Variants in HECTD4 observed in about 807,000 individuals in gnomAD.
HECTD4 encodes the protein probable E3 ubiquitin-protein ligase HECTD4.
Under a neutral mutation model 471.5 loss-of-function variants are expected in HECTD4, and 114 were observed. The observed-to-expected ratio is 0.24, with a 90% CI of 0.21 to 0.28. HECTD4 has a LOEUF of 0.28. Ranked by LOEUF, HECTD4 falls within the 10% of genes least tolerant of loss-of-function variation. The pLI, the probability that HECTD4 is intolerant of heterozygous loss-of-function variation, is 1.00. For synonymous variants in HECTD4, 2,012 were observed against 2,256.0 expected (o/e 0.89, Z 3.07); for missense variants, 3,866 against 5,651.5 (o/e 0.68, Z 10.13).
rs776937840 is a variant in HECTD4 at position 112,193,479 on chromosome 12, G to C, written c.8945C>G (p.Ser2982Cys). 2 of 1,608,422 alleles carry C rather than the reference G, an allele frequency of 1.2e-6. No homozygotes were observed. Among genetic ancestry groups the C allele is most frequent in the South Asian group, 1.1e-5 (1 of 89,620 alleles). Reference protein sequence around the residue: ...SLLELTKQICSFLQTAPEQFP... With the variant: ...SLLELTKQICCFLQTAPEQFP... ...GCTTTAGACTTCTACCTGCAGGAAA[G>C]AGCAGATCTGTTTCGTCAGCTCTAA... The change falls in exon 57 of 76, where the codon TCT becomes TGT. Residue 2982 changes from serine (S) to cysteine (C), a missense_variant. This residue lies in a region of HECTD4 where 364 missense variants were observed against 413.2 expected (regional missense o/e 0.88). Coordinates refer to ENST00000682272, the MANE Select transcript of HECTD4 (RefSeq NM_001388303.1). The surrounding 1 kb of genome is among the most constrained non-coding windows in gnomAD (Gnocchi z 5.2).
intron 66 of HECTD4, among the ~76,000 whole-genome samples, chr12:112,174,349 A>C (rs6489832): frequency 1.4e-5 from 2 of 143,532 alleles, no homozygotes; most frequent in East Asian, 4.0e-4. Context: ...ACTGCAACCC[A>C]TTGCCTCCTG....
chr12:112,177,366 G>A (rs1157978560), intron 64 of HECTD4, among the ~76,000 whole-genome samples: 1 of 149,206 alleles, frequency 6.7e-6, no homozygotes, highest in African/African-American at 2.5e-5. Flanking sequence ...TACATGGAAT[G>A]TTATGAGGCT....
chr12:112,282,249 A>G (rs371281341), intron 8 of HECTD4, among the ~76,000 whole-genome samples: 5 of 151,904 alleles, frequency 3.3e-5, no homozygotes, highest in South Asian at 2.1e-4. Flanking sequence ...CAGGCGTGGT[A>G]GCGGGCGCCT....
chr12:112,302,352 T>A, intron 7 of HECTD4: 1 of 757,482 alleles, frequency 1.3e-6, no homozygotes, highest in East Asian at 2.5e-5. Flanking sequence ...TTCTCTTGCT[T>A]TGTCTCTGGT....
intron 1 of HECTD4, among the ~76,000 whole-genome samples, chr12:112,359,373 C>G (rs890300282): frequency 2.0e-5 from 3 of 152,058 alleles, no homozygotes; most frequent in Non-Finnish European, 4.4e-5. Context: ...GGACCACCCC[C>G]CTCCCCAGCA....
Position 112,184,255 on chromosome 12 carries a change from A to C in HECTD4, c.10711T>G (p.Tyr3571Asp). The change falls in exon 61 of 76, where the codon TAC becomes GAC. Residue 3571 changes from tyrosine to aspartate, a missense_variant. Tyr to Asp is a radical substitution (Grantham distance 160). Transcript: ENST00000682272. The surrounding 1 kb of genome is among the most constrained non-coding windows in gnomAD (Gnocchi z 9.1). ...TASVSDMGSM[Y>D]TVTSLDNQPL... is the part of the protein sequence containing the mutation. The stretch of plus-strand genomic sequence containing the variant: ...TGGTTGTCCAGGGAAGTGACTGTGT[A>C]CATGGAGCCCATGTCCGACACCGAG... 6.2e-7 allele frequency: 1 copy of C among 1,613,566 alleles called. No individual in the cohort carries two copies. The highest frequency in any genetic ancestry group is 8.5e-7 in the Non-Finnish European group (1 of 1,179,872).
chr12:112,289,499 T>C (rs1460250463), intron 7 of HECTD4, among the ~76,000 whole-genome samples: 1 of 152,216 alleles, frequency 6.6e-6, no homozygotes, highest in Admixed American at 6.5e-5. Flanking sequence ...TTTGGTATAA[T>C]CAAGCTGAGC....
intron 55 of HECTD4, 151 bp downstream of exon 55, chr12:112,200,487 C>T (rs1463404220): frequency 3.5e-5 from 28 of 793,424 alleles, no homozygotes; most frequent in Non-Finnish European, 5.0e-5. Flanking sequence ...ACACCTCCTG[C>T]AATTTTGCTG....
intron 69 of HECTD4, 114 bp downstream of exon 69, chr12:112,170,219 G>A (rs1032843855): frequency 4.9e-5 from 69 of 1,412,524 alleles, no homozygotes; most frequent in Non-Finnish European, 6.3e-5. Context: ...CCAGCAGAAC[G>A]ACAGGAGGAA....
chr12:112,304,927 G>C (rs1392883261), intron 7 of HECTD4, among the ~76,000 whole-genome samples: 1 of 152,000 alleles, frequency 6.6e-6, no homozygotes, highest in Admixed American at 6.6e-5. Flanking sequence ...AAATTGCTTC[G>C]GTGTTTTTGT....
rs747891460 is a variant in HECTD4, at chr12:112,203,637, G to C, written c.8405C>G (p.Ser2802Ter). Residue 2802 changes from serine to a stop codon, truncating the protein, a stop_gained and splice_region_variant, in exon 54 of 76, where the codon TCA (serine) becomes TGA (stop). Coordinates refer to ENST00000682272, the MANE Select transcript of HECTD4 (RefSeq NM_001388303.1). LOFTEE classifies it high-confidence loss of function. ...TAATCAGAATGGCTGTTCACTCACT[G>C]AATCAACATCTAAGACGACTCCATG... ...GLHGVVLDVD[S>*]VNELVQVETY... The C allele has an allele frequency of 6.2e-7, 1 of 1,612,490 alleles. No individual in the cohort carries two copies. The highest frequency in any genetic ancestry group is 8.5e-7 in the Non-Finnish European group (1 of 1,179,236).
At chr12:112,231,352 G>A (rs1213365770) in intron 39 of HECTD4, 161 bp downstream of exon 39, 4 of 649,558 alleles carry the variant, frequency 6.2e-6, no homozygotes, top group South Asian at 1.8e-5. Context: ...ATTACTCCCC[G>A]ACGTACTCCA....
chr12:112,259,210 C>T lies in HECTD4; in HGVS notation c.2929G>A (p.Val977Met), dbSNP rs893979181. The change falls in exon 19 of 76, where the codon GTG becomes ATG. Residue 977 changes from valine (V) to methionine (M), a missense_variant. Around this residue, in one of 16 missense-constraint regions of HECTD4, gnomAD observed 525 missense variants for 672.6 expected, o/e 0.78. Coordinates refer to ENST00000682272, the MANE Select transcript of HECTD4 (RefSeq NM_001388303.1). ...GGATGCATCAAGGAGGTCAGTAACA[C>T]TGGAAGAAGGTGACCAAGCATAGTA... ...KATMLGHLLP[V>M]LLTSLMHPNL... 5 of 1,613,910 alleles carry T rather than the reference C, an allele frequency of 3.1e-6. No homozygotes were observed. The highest frequency in any genetic ancestry group is 1.7e-5 in the Admixed American group (1 of 60,004).
intron 34 of HECTD4, 132 bp downstream of exon 34, chr12:112,238,920 C>T: frequency 1.2e-6 from 1 of 804,532 alleles, no homozygotes; most frequent in Non-Finnish European, 1.9e-6. Flanking sequence ...ATGAAATCAT[C>T]CACTGATTTA....
intron 11 of HECTD4, among the ~76,000 whole-genome samples, chr12:112,272,165 A>T (rs2034428047): frequency 6.6e-6 from 1 of 152,074 alleles, no homozygotes. Context: ...CTCCTGCCCT[A>T]GCCTCCCAAG....
chr12:112,226,519 T>C (rs1321936520), intron 44 of HECTD4, 124 bp downstream of exon 44: 1 of 534,782 alleles, frequency 1.9e-6, no homozygotes, highest in African/African-American at 1.9e-5. Context: ...GTGACAGGTG[T>C]TGTCCTTACA....
chr12:112,348,626 G>A (rs1025303039), intron 1 of HECTD4, among the ~76,000 whole-genome samples: 9 of 152,072 alleles, frequency 5.9e-5, no homozygotes, highest in Non-Finnish European at 1.2e-4. Flanking sequence ...TGGACACAGT[G>A]GTGTGTGCGT....
intron 1 of HECTD4, among the ~76,000 whole-genome samples, chr12:112,363,336 C>T (rs1177638277): frequency 1.3e-5 from 2 of 151,974 alleles, no homozygotes; most frequent in South Asian, 4.2e-4. Context: ...CTCCTGAGCT[C>T]AAGCAATCCT....
At chr12:112,301,143 C>T (rs2035156641) in intron 7 of HECTD4, among the ~76,000 whole-genome samples, 2 of 151,824 alleles carry the variant, frequency 1.3e-5, no homozygotes, top group African/African-American at 4.8e-5. Context: ...ACCTCGGCCT[C>T]CCAAAGTGCT....
Sources: gnomAD v4.1 joint callset for allele counts (sites outside exome capture counted in the v4.1 genomes callset) on GRCh38, gnomAD v4.1.1 for gene constraint, gnomAD v4.1.1 regional missense constraint, Gnocchi (gnomAD v3.1) non-coding constraint, MANE v1.5 for transcripts, NCBI Gene and HGNC (gene_info 2026-07-23, HGNC 2026-07-21) for gene names.